PLCG2: variants seen among roughly 807,000 people sequenced by gnomAD.
PLCG2 encodes the protein 1-phosphatidylinositol 4,5-bisphosphate phosphodiesterase gamma-2.
In PLCG2, 69 loss-of-function variants were observed where a neutral mutation model predicts 175.6. That is an observed-to-expected ratio of 0.39 (90% CI 0.32 to 0.48). The LOEUF is 0.48. Among genes scored for constraint, PLCG2 ranks in the 20% least tolerant of loss-of-function variants. PLCG2 has a pLI of 0.91. For synonymous variants in PLCG2, 827 were observed against 624.0 expected (o/e 1.33, Z -4.85); for missense variants, 1,798 against 1,650.9 (o/e 1.09, Z -1.54).
At chr16:81,838,221 G>T (rs1905628109) in intron 2 of PLCG2, among the ~76,000 whole-genome samples, 1 of 151,808 alleles carries the variant, frequency 6.6e-6, no homozygotes, top group African/African-American at 2.4e-5. Context: ...CAAGCACCTG[G>T]GACTGTAGGC....
At chr16:81,821,655 G>A (rs1904805061) in intron 2 of PLCG2, among the ~76,000 whole-genome samples, 1 of 152,172 alleles carries the variant, frequency 6.6e-6, no homozygotes, top group Admixed American at 6.5e-5. Context: ...TAAGCCTCAG[G>A]AAGTGGCCTC....
chr16:81,806,529 G>A (rs1027262983), intron 2 of PLCG2, among the ~76,000 whole-genome samples: 13 of 152,158 alleles, frequency 8.5e-5, no homozygotes, highest in African/African-American at 3.1e-4. Flanking sequence ...GACCCAGGCA[G>A]CACTGCTCAG....
At chr16:81,925,992 G>A (rs927599105) in intron 22 of PLCG2, among the ~76,000 whole-genome samples, 3 of 152,198 alleles carry the variant, frequency 2.0e-5, no homozygotes, top group Non-Finnish European at 4.4e-5. Flanking sequence ...TGTGGGGACA[G>A]GATGCCAGGG....
chr16:81,859,144 G>A lies in PLCG2; in HGVS notation c.460G>A (p.Asp154Asn). 6.3e-7 allele frequency: 1 copy of A among 1,596,452 alleles called. No homozygotes were observed. Among genetic ancestry groups the A allele is most frequent in the Middle Eastern group, 1.7e-4 (1 of 6,018 alleles). Residue 154 changes from aspartate to asparagine, a missense_variant, in exon 5 of 33, where the codon GAT becomes AAT. Coordinates refer to ENST00000564138, the MANE Select transcript of PLCG2 (RefSeq NM_002661.5). ...GCTGAGAAAGCAGATATATTCTGTG[G>A]ATCAAACCAGAAGAAACAGGTAAGA... ...SWLRKQIYSV[D>N]QTRRNSISLR...
intron 5 of PLCG2, among the ~76,000 whole-genome samples, chr16:81,862,169 T>G (rs1907015367): frequency 6.6e-6 from 1 of 152,192 alleles, no homozygotes; most frequent in Admixed American, 6.5e-5. Context: ...TCGTGTTTCC[T>G]GAAGGAAAAC....
intron 15 of PLCG2, among the ~76,000 whole-genome samples, chr16:81,905,777 A>G (rs764808694): frequency 2.6e-5 from 4 of 151,720 alleles, no homozygotes; most frequent in Non-Finnish European, 2.9e-5. Flanking sequence ...TCCCACCTCA[A>G]CCTCCCTGAG....
chr16:81,787,658 A>T (rs1911041998), intron 2 of PLCG2, among the ~76,000 whole-genome samples: 2 of 152,010 alleles, frequency 1.3e-5, no homozygotes, highest in African/African-American at 4.8e-5. Context: ...ATGTGCAAGC[A>T]CCACTCCAAT....
chr16:81,834,163 C>G (rs1905391722), intron 2 of PLCG2, among the ~76,000 whole-genome samples: 1 of 152,174 alleles, frequency 6.6e-6, no homozygotes, highest in Non-Finnish European at 1.5e-5. Context: ...TCTTCCTGGG[C>G]TGTCTCTGGA....
chr16:81,882,521 C>T (rs73594899), intron 8 of PLCG2, among the ~76,000 whole-genome samples: 1,816 of 152,164 alleles, frequency 0.012, 58 homozygotes, highest in African/African-American at 0.041. Context: ...TCTCCCTCTA[C>T]GGGCGGGTGG....
intron 2 of PLCG2, among the ~76,000 whole-genome samples, chr16:81,824,147 T>A (rs1904940813): frequency 6.7e-6 from 1 of 149,024 alleles, no homozygotes. Context: ...CTCTCTTTCT[T>A]TCTTTCATGG....
At position 81,870,026 on chromosome 16, in the gene PLCG2, A is replaced by G. The variant is rs538298147; in HGVS notation, c.564+728A>G. 3.9e-4 allele frequency among the ~76,000 whole-genome samples: 59 copies of G among 152,288 alleles called. 1 individual carries two copies. In the South Asian group the frequency reaches 8.7e-3, roughly 22 times the overall value. ...TTCCTCAGTGCAAAAAGCTCATTTC[A>G]TTTTTGTATTAATGAGCTCCTGGAA... On this transcript the variant is annotated intron_variant, in intron 6 of 32. Coordinates refer to ENST00000564138, the MANE Select transcript of PLCG2 (RefSeq NM_002661.5).
Position 81,857,964 on chromosome 16 carries a change from T to C in PLCG2, c.338-299T>C, listed in dbSNP as rs1906767491. The C allele has an allele frequency of 1.3e-5, 5 of 373,794 alleles. No individual in the cohort carries two copies. In the South Asian group the frequency reaches 2.6e-4, roughly 20 times the overall value. 23.2% of individuals were successfully genotyped at this position (373,794 alleles called of 1,614,324 possible). On this transcript the variant is annotated intron_variant, in intron 3 of 32. Coordinates refer to ENST00000564138, the MANE Select transcript of PLCG2 (RefSeq NM_002661.5). ...GTTAGTGCTCAAATGATGTTAACAA[T>C]GTCATAGTGATAGTTCCCACCACTC...
chr16:81,912,472 T>C, intron 18 of PLCG2, 125 bp from the exon 19 acceptor site: 3 of 1,188,286 alleles, frequency 2.5e-6, no homozygotes, highest in Non-Finnish European at 3.5e-6. Flanking sequence ...ACTGTGTGAT[T>C]TCCATGGTCG....
chr16:81,917,829 C>G (rs1039523398), intron 19 of PLCG2, among the ~76,000 whole-genome samples: 3 of 152,210 alleles, frequency 2.0e-5, no homozygotes, highest in African/African-American at 7.2e-5. Context: ...TCACGCCATT[C>G]TCTTGCCTCA....
At chr16:81,886,459 A>G (rs925753615) in intron 9 of PLCG2, among the ~76,000 whole-genome samples, 3 of 152,252 alleles carry the variant, frequency 2.0e-5, no homozygotes, top group Admixed American at 2.0e-4. Context: ...AGAAAGCTTT[A>G]CAACTCGATT....
At position 81,910,521 on chromosome 16, in the gene PLCG2, C is replaced by T. The variant is rs1324356186; in HGVS notation, c.1735C>T (p.Arg579Trp). 5.0e-6 allele frequency: 8 copies of T among 1,613,506 alleles called. No individual in the cohort carries two copies. The South Asian group carries it at 5.5e-5, about 11-fold the overall frequency. The change falls in exon 18 of 33, where the codon CGG becomes TGG. Residue 579 changes from arginine to tryptophan, a missense_variant and splice_region_variant. Arg to Trp is a moderately radical substitution (Grantham distance 101). Transcript: ENST00000564138. Reference protein sequence around the residue: ...FPNDYTLSFWRSGRVQHCRIR... With the variant: ...FPNDYTLSFWWSGRVQHCRIR... ...ACTGATGGCGTCCTCTCCCCGCAGG[C>T]GGTCAGGCCGGGTCCAGCACTGCCG...
chr16:81,920,051 C>T (rs1909998916), intron 20 of PLCG2, among the ~76,000 whole-genome samples: 1 of 152,084 alleles, frequency 6.6e-6, no homozygotes, highest in Admixed American at 6.5e-5. Flanking sequence ...ATAGCATGCG[C>T]AAAGGTCCTG....
At chr16:81,740,600 G>A (rs987914960) in intron 1 of PLCG2, 10 of 151,760 alleles carry the variant, frequency 6.6e-5, no homozygotes, top group African/African-American at 2.4e-4. Flanking sequence ...CGGGTGTGGT[G>A]GTATGTGCCT....
At chr16:81,947,573 C>T (rs1423123527) in intron 31 of PLCG2, among the ~76,000 whole-genome samples, 1 of 152,196 alleles carries the variant, frequency 6.6e-6, no homozygotes, top group Non-Finnish European at 1.5e-5. Flanking sequence ...AGCCTCAATG[C>T]AGACTTTTCT....
Sources: allele counts gnomAD v4.1 joint callset (sites outside exome capture counted in the v4.1 genomes callset), GRCh38; gene constraint gnomAD v4.1.1; transcripts MANE v1.5; gene names NCBI Gene and HGNC (gene_info 2026-07-23, HGNC 2026-07-21).